Variants in ZNF251 observed in about 807,000 individuals in gnomAD.
ZNF251 encodes the protein zinc finger protein 251.
A neutral mutation model predicts 13.5 loss-of-function variants in ZNF251; 14 were observed. The observed-to-expected ratio is 1.04, with a 90% CI of 0.69 to 1.63. The LOEUF (loss-of-function observed/expected upper bound fraction) is 1.63, where lower values mean the gene tolerates loss of function less well. Among genes scored for constraint, ZNF251 ranks in the 40% most tolerant of loss-of-function variants. The probability of loss-of-function intolerance (pLI) is 0.00; values close to 1 mark genes in which losing one functional copy is unlikely to be tolerated. For missense variants in ZNF251, 764 were observed against 834.9 expected (o/e 0.92, Z 1.05); for synonymous variants, 287 against 295.2 (o/e 0.97, Z 0.28).
intron 4 of ZNF251, among the ~76,000 whole-genome samples, chr8:144,727,404 C>G (rs1004014262): frequency 2.8e-4 from 42 of 152,230 alleles, no homozygotes; most frequent in African/African-American, 9.4e-4. Flanking sequence ...GCTGTTTTGT[C>G]TACACTGAAA....
At chr8:144,732,572 G>T (rs747164845) in intron 4 of ZNF251, among the ~76,000 whole-genome samples, 1 of 152,084 alleles carries the variant, frequency 6.6e-6, no homozygotes, top group South Asian at 2.1e-4. Flanking sequence ...CAGCACTTGG[G>T]GAGGCCAAGG....
intron 4 of ZNF251, among the ~76,000 whole-genome samples, chr8:144,737,693 G>A (rs867298903): frequency 1.3e-4 from 20 of 151,186 alleles, no homozygotes; most frequent in Non-Finnish European, 1.8e-4. Flanking sequence ...TTAGCCAGGC[G>A]TGGTGGCAGG....
intron 4 of ZNF251, among the ~76,000 whole-genome samples, chr8:144,746,684 T>A (rs917807434): frequency 6.6e-6 from 1 of 152,202 alleles, no homozygotes; most frequent in African/African-American, 2.4e-5. Flanking sequence ...CTATTCAGAT[T>A]GTCTATTTCT....
chr8:144,731,650 G>C (rs1414204606), intron 4 of ZNF251, among the ~76,000 whole-genome samples: 3 of 152,184 alleles, frequency 2.0e-5, no homozygotes, highest in Admixed American at 1.3e-4. Context: ...GCAGTGGCAC[G>C]ATTTCTGCTC....
At position 144,755,522 on chromosome 8, in the gene ZNF251, G is replaced by A; in HGVS notation, c.-193C>T. ...CCAGAGCCGGGGAGGGGGCGGGCTAGGATGAAGAGGGCGGGCCGGGCCGAG... is the reference window on the plus strand; with the variant it reads ...CCAGAGCCGGGGAGGGGGCGGGCTAAGATGAAGAGGGCGGGCCGGGCCGAG... On this transcript the variant is annotated 5_prime_UTR_variant, in exon 1 of 5. Coordinates refer to ENST00000292562, the MANE Select transcript of ZNF251 (RefSeq NM_138367.2). The A allele has an allele frequency of 2.3e-6, 3 of 1,285,188 alleles. No individual in the cohort carries two copies. The highest frequency in any genetic ancestry group is 3.0e-6 in the Non-Finnish European group (3 of 987,704). 79.6% of individuals were successfully genotyped at this position (1,285,188 alleles called of 1,614,324 possible). A position where few individuals can be genotyped will look rare whatever the true frequency, so the allele number is the denominator to read the frequency against.
At chr8:144,729,951 TA>T in intron 4 of ZNF251, 1 of 666,376 alleles carries the variant, frequency 1.5e-6, no homozygotes, top group Non-Finnish European at 1.9e-6. Flanking sequence ...TGTTCAATTG[TA>T]ACAGTTTCTC....
At chr8:144,748,090 T>C (rs1220642785) in intron 4 of ZNF251, among the ~76,000 whole-genome samples, 1 of 151,992 alleles carries the variant, frequency 6.6e-6, no homozygotes, top group Non-Finnish European at 1.5e-5. Context: ...CTTTTTTTTT[T>C]TGAGATGGAG....
chr8:144,729,482 G>T (rs937760783), intron 4 of ZNF251, among the ~76,000 whole-genome samples: 1 of 151,452 alleles, frequency 6.6e-6, no homozygotes, highest in Non-Finnish European at 1.5e-5. Flanking sequence ...GACTACAGGC[G>T]CCCGCCACCA....
chr8:144,721,359 C>A lies in ZNF251; in HGVS notation c.*285G>T, dbSNP rs1823367020. ...AGGTAGGGTAGACCCAGAGCACCAG[C>A]TGGGCTCACTTTTCACGCCCTCCAT... On this transcript the variant is annotated 3_prime_UTR_variant, in exon 5 of 5. Transcript: ENST00000292562. 5.1e-6 allele frequency: 2 copies of A among 395,452 alleles called. No homozygotes were observed. Among genetic ancestry groups the A allele is most frequent in the East Asian group, 7.2e-5 (2 of 27,784 alleles). 24.5% of individuals were successfully genotyped at this position (395,452 alleles called of 1,614,324 possible).
Position 144,723,229 on chromosome 8 carries a change from T to C in ZNF251, c.431A>G (p.Lys144Arg). Residue 144 changes from lysine to arginine, a missense_variant, in exon 5 of 5, where the codon AAA (lysine) becomes AGA (arginine). By Grantham distance (26) the Lys-to-Arg change is conservative. Coordinates refer to ENST00000292562, the MANE Select transcript of ZNF251 (RefSeq NM_138367.2). ...REAWGREGKLKERVGNSAGQS... is the reference protein window; with the variant it reads ...REAWGREGKLRERVGNSAGQS... ...CCCGGCAGAATTTCCCACGCGCTCTTTGAGTTTGCCCTCACGGCCCCATGC... is the reference window on the plus strand; with the variant it reads ...CCCGGCAGAATTTCCCACGCGCTCTCTGAGTTTGCCCTCACGGCCCCATGC... The C allele has an allele frequency of 6.2e-7, 1 of 1,613,666 alleles. No individual in the cohort carries two copies. Among genetic ancestry groups the C allele is most frequent in the Non-Finnish European group, 8.5e-7 (1 of 1,179,718 alleles).
chr8:144,729,352 TG>T (rs201368325), intron 4 of ZNF251, among the ~76,000 whole-genome samples: 9,933 of 140,500 alleles, frequency 0.071, 1,038 homozygotes, highest in African/African-American at 0.23. Flanking sequence ...TTTTTTTTTT[TG>T]TGAGATAGAG....
At chr8:144,727,970 G>A (rs533924688) in intron 4 of ZNF251, among the ~76,000 whole-genome samples, 18 of 152,110 alleles carry the variant, frequency 1.2e-4, no homozygotes, top group African/African-American at 2.9e-4. Context: ...GATCCACCAC[G>A]CCTGAAGAAG....
In ZNF251 at chr8:144,754,686, G is replaced by C. The variant is rs150490642; in HGVS notation, c.33+10C>G. 2 of 1,607,290 alleles carry C rather than the reference G, an allele frequency of 1.2e-6. No homozygotes were observed. The highest frequency in any genetic ancestry group is 2.2e-5 in the South Asian group (2 of 89,812). On this transcript the variant is annotated intron_variant, in intron 2 of 4. Transcript: ENST00000292562. ...GATGAAGAGGTGGGCAGGAAGGAGG[G>C]TTAACTCACCTGGTGCCCTGGAAGC...
intron 4 of ZNF251, among the ~76,000 whole-genome samples, chr8:144,752,555 C>T (rs945271629): frequency 1.3e-5 from 2 of 152,110 alleles, no homozygotes; most frequent in Admixed American, 6.5e-5. Flanking sequence ...TTTGAGAAAA[C>T]GATATAATTT....
intron 4 of ZNF251, among the ~76,000 whole-genome samples, chr8:144,726,346 C>A (rs1303724760): frequency 6.6e-6 from 1 of 151,358 alleles, no homozygotes; most frequent in Non-Finnish European, 1.5e-5. Context: ...CCAGCCTGGC[C>A]AACATGGCAA....
chr8:144,753,223 C>A (rs1228307829), intron 4 of ZNF251, among the ~76,000 whole-genome samples: 3 of 136,816 alleles, frequency 2.2e-5, no homozygotes, highest in Admixed American at 8.1e-5. Context: ...TGCAGTGAGC[C>A]GAGATCGTGC....
chr8:144,741,760 G>A (rs898885294), intron 4 of ZNF251, among the ~76,000 whole-genome samples: 2 of 152,098 alleles, frequency 1.3e-5, no homozygotes, highest in Non-Finnish European at 2.9e-5. Context: ...CACAATAAAG[G>A]AAAGAGTAAG....
chr8:144,722,894 G>A lies in ZNF251; in HGVS notation c.766C>T (p.His256Tyr). The change falls in exon 5 of 5, where the codon CAT becomes TAT. Residue 256 changes from histidine to tyrosine, a missense_variant. By Grantham distance (83) the His-to-Tyr change is moderately conservative. Transcript: ENST00000292562. This position sits in a 1 kb window ranked among gnomAD's most constrained non-coding sequence, Gnocchi z 4.8. ...GGTTTATTTCCAGTGTGAATGTGAT[G>A]GTGCAGAACAAGATTTGAGCTGTGA... The part of the protein sequence containing the change: ...FTHSSNLVLH[H>Y]HIHTGNKPFK... 6.2e-7 allele frequency: 1 copy of A among 1,613,976 alleles called. No homozygotes were observed. The highest frequency in any genetic ancestry group is 1.1e-5 in the South Asian group (1 of 91,072).
intron 4 of ZNF251, among the ~76,000 whole-genome samples, chr8:144,729,335 ATTTTT>A (rs142840972): frequency 1.2e-4 from 17 of 141,314 alleles, no homozygotes; most frequent in South Asian, 1.1e-3. Context: ...ATTTATTTTT[ATTTTT>A]TTTTTTTTTT....
Sources: allele counts gnomAD v4.1 joint callset (sites outside exome capture counted in the v4.1 genomes callset), GRCh38; gene constraint gnomAD v4.1.1; non-coding constraint Gnocchi (gnomAD v3.1); transcripts MANE v1.5; gene names NCBI Gene and HGNC (gene_info 2026-07-23, HGNC 2026-07-21).